Variants in KIAA1217 observed in about 807,000 individuals in gnomAD.
KIAA1217 encodes sickle tail protein homolog.
In KIAA1217, 88 loss-of-function variants were observed where a neutral mutation model predicts 163.9. That is an observed-to-expected ratio of 0.54 (90% CI 0.45 to 0.64). The LOEUF is 0.64. Ranked by LOEUF, KIAA1217 falls within the 30% of genes least tolerant of loss-of-function variation. The probability of loss-of-function intolerance (pLI) is 0.00; values close to 1 mark genes in which losing one functional copy is unlikely to be tolerated. For missense variants in KIAA1217, 2,372 were observed against 2,475.0 expected, an observed-to-expected ratio of 0.96 and a Z score of 0.88; for synonymous variants, 903 against 923.1, an observed-to-expected ratio of 0.98 and a Z score of 0.39.
intron 1 of KIAA1217, among the ~76,000 whole-genome samples, chr10:23,754,836 C>A (rs1340255511): frequency 1.4e-5 from 2 of 146,648 alleles, no homozygotes; most frequent in East Asian, 4.0e-4. Context: ...CCATTTCCTG[C>A]AACTTTTTTT....
chr10:24,466,795 G>A (rs546562655), intron 5 of KIAA1217: 2 of 985,226 alleles, frequency 2.0e-6, no homozygotes, highest in African/African-American at 1.7e-5. Context: ...GAAAAAGTAA[G>A]TGGCTTTAAT....
chr10:24,125,902 A>G (rs995900014), intron 2 of KIAA1217, among the ~76,000 whole-genome samples: 2 of 152,102 alleles, frequency 1.3e-5, no homozygotes, highest in East Asian at 3.9e-4. Flanking sequence ...CTTTTGCAGA[A>G]TCTGCTATTG....
intron 5 of KIAA1217, among the ~76,000 whole-genome samples, chr10:24,461,962 G>A (rs930241434): frequency 1.3e-5 from 2 of 151,946 alleles, no homozygotes; most frequent in Admixed American, 6.6e-5. Context: ...GGGTTGTAAT[G>A]GTAAGGGATT....
chr10:24,187,815 G>A (rs553718462), intron 2 of KIAA1217, among the ~76,000 whole-genome samples: 34 of 152,088 alleles, frequency 2.2e-4, no homozygotes, highest in East Asian at 7.7e-4. Flanking sequence ...GCTTGAACCC[G>A]GGAGGCGGAA....
chr10:23,858,828 T>C (rs1839827491), intron 1 of KIAA1217, among the ~76,000 whole-genome samples: 2 of 152,160 alleles, frequency 1.3e-5, no homozygotes, highest in South Asian at 4.1e-4. Flanking sequence ...TGCCAAGACT[T>C]AAGAGACATA....
intron 2 of KIAA1217, among the ~76,000 whole-genome samples, chr10:24,258,382 A>T (rs1190460176): frequency 6.6e-6 from 1 of 152,118 alleles, no homozygotes; most frequent in East Asian, 1.9e-4. Context: ...TGGTTTTGAA[A>T]ATCTGAGGCT....
intron 2 of KIAA1217, among the ~76,000 whole-genome samples, chr10:24,321,201 T>C (rs1042194457): frequency 6.6e-6 from 1 of 152,078 alleles, no homozygotes; most frequent in African/African-American, 2.4e-5. Flanking sequence ...GAACTTGAGA[T>C]ATTTGTACAT....
intron 2 of KIAA1217, among the ~76,000 whole-genome samples, chr10:24,043,311 G>A (rs1237148878): frequency 1.3e-5 from 2 of 152,022 alleles, no homozygotes; most frequent in Non-Finnish European, 2.9e-5. Flanking sequence ...ATAAAAAATT[G>A]TTTTAATATT....
intron 2 of KIAA1217, among the ~76,000 whole-genome samples, chr10:24,311,587 A>G (rs973589020): frequency 6.6e-6 from 1 of 152,114 alleles, no homozygotes; most frequent in African/African-American, 2.4e-5. Flanking sequence ...CGATAGTTAC[A>G]GCTCTATGCA....
intron 10 of KIAA1217, among the ~76,000 whole-genome samples, chr10:24,514,370 T>C (rs1415109187): frequency 2.6e-5 from 4 of 152,222 alleles, no homozygotes; most frequent in African/African-American, 9.6e-5. Flanking sequence ...AGCATTGTGC[T>C]CAGTCACCTA....
chr10:24,179,948 G>A (rs770200016), intron 2 of KIAA1217, among the ~76,000 whole-genome samples: 1 of 152,164 alleles, frequency 6.6e-6, no homozygotes, highest in Non-Finnish European at 1.5e-5. Flanking sequence ...GCAACAAATT[G>A]TAGGAAAGTA....
At chr10:24,313,043 A>G (rs2042910594) in intron 2 of KIAA1217, among the ~76,000 whole-genome samples, 1 of 152,264 alleles carries the variant, frequency 6.6e-6, no homozygotes, top group Non-Finnish European at 1.5e-5. Context: ...ATACACTACT[A>G]TTAAGAACCT....
At chr10:24,240,284 T>C (rs899936240) in intron 2 of KIAA1217, among the ~76,000 whole-genome samples, 1 of 152,182 alleles carries the variant, frequency 6.6e-6, no homozygotes, top group African/African-American at 2.4e-5. Context: ...TTCCACACAG[T>C]GCATGGCAGC....
chr10:23,964,170 AG>A (rs1844950617), intron 1 of KIAA1217, among the ~76,000 whole-genome samples: 1 of 151,710 alleles, frequency 6.6e-6, no homozygotes, highest in African/African-American at 2.4e-5. Context: ...CCAAAGTGCT[AG>A]GATTACAGGC....
intron 1 of KIAA1217, among the ~76,000 whole-genome samples, chr10:23,949,064 C>T (rs1343636423): frequency 1.3e-5 from 2 of 152,068 alleles, no homozygotes; most frequent in African/African-American, 2.4e-5. Flanking sequence ...AAAAGGAAAG[C>T]GAGAGAGAAC....
At chr10:24,061,251 C>A (rs1271136875) in intron 2 of KIAA1217, among the ~76,000 whole-genome samples, 1 of 152,134 alleles carries the variant, frequency 6.6e-6, no homozygotes, top group Non-Finnish European at 1.5e-5. Context: ...AGCAACCTTA[C>A]TTCAATCACA....
At chr10:24,112,240 A>C (rs188523076) in intron 2 of KIAA1217, among the ~76,000 whole-genome samples, 1 of 152,358 alleles carries the variant, frequency 6.6e-6, no homozygotes, top group East Asian at 1.9e-4. Flanking sequence ...AAGACAAAAG[A>C]AAATGCAACT....
At chr10:24,389,998 C>A (rs183415427) in intron 3 of KIAA1217, among the ~76,000 whole-genome samples, 23 of 152,240 alleles carry the variant, frequency 1.5e-4, no homozygotes, top group African/African-American at 5.5e-4. Flanking sequence ...TGGAATCACA[C>A]CTGACCAGAG....
intron 2 of KIAA1217, among the ~76,000 whole-genome samples, chr10:24,085,511 G>A (rs73604447): frequency 0.08 from 12,132 of 152,094 alleles, 1,615 homozygotes; most frequent in African/African-American, 0.28. Context: ...TCTAGCCCAC[G>A]GCCACCAATA....
Sources: allele counts gnomAD v4.1 joint callset (sites outside exome capture counted in the v4.1 genomes callset), GRCh38; gene constraint gnomAD v4.1.1; transcripts MANE v1.5; gene names NCBI Gene and HGNC (gene_info 2026-07-23, HGNC 2026-07-21).